Variants in CEP57L1 observed in about 807,000 individuals in gnomAD.
The protein encoded by CEP57L1 is centrosomal protein CEP57L1.
A neutral mutation model predicts 61.0 loss-of-function variants in CEP57L1; 37 were observed. The observed-to-expected ratio is 0.61, with a 90% CI of 0.47 to 0.80. The LOEUF is 0.80. Ranked by LOEUF, CEP57L1 falls within the 30% of genes least tolerant of loss-of-function variation. CEP57L1 has a pLI of 0.00. For synonymous variants in CEP57L1, 137 were observed against 162.3 expected (o/e 0.84, Z 1.19); for missense variants, 422 against 524.7 (o/e 0.80, Z 1.91).
intron 1 of CEP57L1, among the ~76,000 whole-genome samples, chr6:109,134,909 A>G (rs1454585452): frequency 1.3e-5 from 2 of 152,230 alleles, no homozygotes; most frequent in African/African-American, 4.8e-5. Context: ...TAACGGAATT[A>G]AAGAGGATAC....
chr6:109,098,707 ACTC>A (rs772249985), intron 1 of CEP57L1, among the ~76,000 whole-genome samples: 22 of 151,402 alleles, frequency 1.5e-4, no homozygotes, highest in Non-Finnish European at 7.4e-5. Context: ...CTGGTCTTGA[ACTC>A]CTCAAGTGAT....
chr6:109,109,022 C>T (rs898195552), intron 1 of CEP57L1, among the ~76,000 whole-genome samples: 14 of 152,188 alleles, frequency 9.2e-5, no homozygotes, highest in Non-Finnish European at 1.8e-4. Context: ...CCTTTACTCT[C>T]CCACACTAGA....
intron 1 of CEP57L1, among the ~76,000 whole-genome samples, chr6:109,112,605 G>A (rs905507507): frequency 1.3e-5 from 2 of 151,802 alleles, no homozygotes; most frequent in African/African-American, 4.8e-5. Context: ...TGTGATGTTA[G>A]GTGTCGAATT....
intron 1 of CEP57L1, among the ~76,000 whole-genome samples, chr6:109,108,012 A>G (rs1771135197): frequency 6.6e-6 from 1 of 152,160 alleles, no homozygotes; most frequent in Admixed American, 6.5e-5. Flanking sequence ...TTAGAAATGT[A>G]TGAAAACCTC....
chr6:109,130,544 A>G lies in CEP57L1; in HGVS notation c.-3-14675A>G, dbSNP rs564599599. Among the ~76,000 whole-genome samples the G allele has an allele frequency of 1.2e-4, 18 of 150,876 alleles. No homozygotes were observed. The South Asian group carries it at 3.6e-3, about 30-fold the overall frequency. On this transcript the variant is annotated intron_variant, in intron 1 of 10. Transcript: ENST00000517392. Reference sequence around the variant, plus strand: ...TGCTTCTACGAACATAGGTATACAAATACCTCTTTGAGACCCTGCTTTCGG... The same window carrying G: ...TGCTTCTACGAACATAGGTATACAAGTACCTCTTTGAGACCCTGCTTTCGG...
At chr6:109,120,922 A>G (rs982422360) in intron 1 of CEP57L1, among the ~76,000 whole-genome samples, 160 of 92,726 alleles carry the variant, frequency 1.7e-3, no homozygotes, top group African/African-American at 4.0e-3. Context: ...GCACACACAC[A>G]CACACACACA....
chr6:109,160,023 AAAG>A (rs1259560690), intron 9 of CEP57L1, among the ~76,000 whole-genome samples: 1 of 152,200 alleles, frequency 6.6e-6, no homozygotes, highest in Non-Finnish European at 1.5e-5. Context: ...CATCTATAGT[AAAG>A]AAGATTTCCA....
At chr6:109,142,029 T>G (rs948232659) in intron 1 of CEP57L1, among the ~76,000 whole-genome samples, 3 of 152,208 alleles carry the variant, frequency 2.0e-5, no homozygotes, top group African/African-American at 7.2e-5. Context: ...CTATAAAAAG[T>G]AAAAATGCTT....
At chr6:109,116,137 ATGT>A (rs1772264243) in intron 1 of CEP57L1, among the ~76,000 whole-genome samples, 3 of 114,036 alleles carry the variant, frequency 2.6e-5, no homozygotes, top group African/African-American at 1.1e-4. Flanking sequence ...GTGTTATGTT[ATGT>A]TATGTTATGT....
In CEP57L1 at chr6:109,170,134, T is replaced by G. The variant is rs1394531141; in HGVS notation, c.*7164T>G. 6.6e-6 allele frequency among the ~76,000 whole-genome samples: 1 copy of G among 152,158 alleles called. No individual in the cohort carries two copies. The highest frequency in any genetic ancestry group is 2.4e-5 in the African/African-American group (1 of 41,448). ...GGTAGGAAGAAGTGTTATAGGGTAA[T>G]GAGCAATAATAAGGCCACCAAATAT... On this transcript the variant is annotated 3_prime_UTR_variant, in exon 11 of 11. Transcript: ENST00000517392.
rs1773976623 is a variant in CEP57L1 at position 109,164,718 on chromosome 6, G to A, written c.*1748G>A. Among the ~76,000 whole-genome samples, 1 of 152,090 alleles carries A rather than the reference G, an allele frequency of 6.6e-6. No individual in the cohort carries two copies. Among genetic ancestry groups the A allele is most frequent in the African/African-American group, 2.4e-5 (1 of 41,408 alleles). On this transcript the variant is annotated 3_prime_UTR_variant, in exon 11 of 11. Coordinates refer to ENST00000517392, the MANE Select transcript of CEP57L1 (RefSeq NM_001271852.3). Reference sequence around the variant, plus strand: ...TTGTTTTCTATACATTTAGGAAGGTGGCTGAATATATTTAGTTATTAATAA... The same window carrying A: ...TTGTTTTCTATACATTTAGGAAGGTAGCTGAATATATTTAGTTATTAATAA...
In CEP57L1 at chr6:109,139,769, T is replaced by G. The variant is rs548533377; in HGVS notation, c.-3-5450T>G. On this transcript the variant is annotated intron_variant, in intron 1 of 10. Coordinates refer to ENST00000517392, the MANE Select transcript of CEP57L1 (RefSeq NM_001271852.3). The stretch of plus-strand genomic sequence containing the variant: ...TCCCAAAGTGCTGGGATTACAGACG[T>G]GAGCCACCATGCCCAGCCTGCCTGG... 1.9e-3 allele frequency among the ~76,000 whole-genome samples: 290 copies of G among 152,184 alleles called. 2 individuals are homozygous for G. The highest frequency in any genetic ancestry group is 6.7e-3 in the African/African-American group (277 of 41,520).
intron 4 of CEP57L1, among the ~76,000 whole-genome samples, chr6:109,153,337 G>C (rs1454998314): frequency 1.3e-5 from 2 of 148,202 alleles, no homozygotes; most frequent in African/African-American, 5.0e-5. Context: ...GACTTGCCAG[G>C]CTCAAGCAAT....
intron 1 of CEP57L1, among the ~76,000 whole-genome samples, chr6:109,118,273 G>A (rs1172029126): frequency 3.9e-5 from 6 of 152,236 alleles, no homozygotes; most frequent in African/African-American, 1.4e-4. Flanking sequence ...CTGATCTCAG[G>A]TAGTCCACCT....
intron 1 of CEP57L1, among the ~76,000 whole-genome samples, chr6:109,123,394 C>T (rs1008922935): frequency 1.3e-5 from 2 of 152,066 alleles, no homozygotes; most frequent in East Asian, 3.9e-4. Context: ...GCTGCATGAC[C>T]CTGGGCAAGT....
At chr6:109,159,495 G>T in intron 9 of CEP57L1, 33 bp downstream of exon 9, 2 of 1,587,158 alleles carry the variant, frequency 1.3e-6, no homozygotes, top group South Asian at 2.3e-5. Context: ...TTTTTCAAGA[G>T]ACAGTGTCTC....
At chr6:109,117,833 C>G (rs961034277) in intron 1 of CEP57L1, among the ~76,000 whole-genome samples, 1 of 152,142 alleles carries the variant, frequency 6.6e-6, no homozygotes. Flanking sequence ...CCATAATGAT[C>G]TCTTACATTT....
At chr6:109,143,063 C>T (rs1302405924) in intron 1 of CEP57L1, among the ~76,000 whole-genome samples, 2 of 151,248 alleles carry the variant, frequency 1.3e-5, no homozygotes, top group African/African-American at 4.9e-5. Context: ...AGCAATCTGA[C>T]TCCCCCTCCA....
rs1773871097 is a variant in CEP57L1, at chr6:109,163,153, A to G, written c.*183A>G. The G allele has an allele frequency of 2.0e-6, 1 of 504,968 alleles. No homozygotes were observed. The highest frequency in any genetic ancestry group is 3.5e-6 in the Non-Finnish European group (1 of 286,148). 31.3% of individuals were successfully genotyped at this position (504,968 alleles called of 1,614,324 possible). On this transcript the variant is annotated 3_prime_UTR_variant, in exon 11 of 11. Transcript: ENST00000517392. ...CTGGTGGGTTCCAAATAATAAATTA[A>G]TTGCTTTTTTATTTTTCTTATTGAT...
Sources: gnomAD v4.1 joint callset for allele counts (sites outside exome capture counted in the v4.1 genomes callset) on GRCh38, gnomAD v4.1.1 for gene constraint, MANE v1.5 for transcripts, NCBI Gene and HGNC (gene_info 2026-07-23, HGNC 2026-07-21) for gene names.